The following SYBU variants were observed in gnomAD, a reference collection of about 807,000 sequenced individuals.
The protein encoded by SYBU is GOLSYN A protein.
SYBU carries 21 observed loss-of-function variants against 35.9 expected under a neutral mutation model. The ratio of observed to expected loss-of-function variants is 0.58; its 90% CI spans 0.41 to 0.84. The LOEUF (loss-of-function observed/expected upper bound fraction) is 0.84, where lower values mean the gene tolerates loss of function less well. Ranked by LOEUF, SYBU falls within the 40% of genes least tolerant of loss-of-function variation. The pLI is 0.00. For synonymous variants in SYBU, 319 were observed against 324.3 expected (o/e 0.98, Z 0.18); for missense variants, 768 against 848.2 (o/e 0.91, Z 1.17).
At chr8:109,632,377 A>C (rs1233287084) in intron 2 of SYBU, among the ~76,000 whole-genome samples, 1 of 152,210 alleles carries the variant, frequency 6.6e-6, no homozygotes, top group Non-Finnish European at 1.5e-5. Flanking sequence ...AAAAACTTAT[A>C]ATAAAATAAC....
At chr8:109,668,178 GA>G (rs113071331) in intron 1 of SYBU, among the ~76,000 whole-genome samples, 1 of 140,272 alleles carries the variant, frequency 7.1e-6, no homozygotes, top group Non-Finnish European at 1.6e-5. Flanking sequence ...GAGAGAGAGA[GA>G]GAGAGAGAGA....
intron 1 of SYBU, among the ~76,000 whole-genome samples, chr8:109,678,104 A>G (rs545041848): frequency 1.8e-4 from 25 of 137,002 alleles, no homozygotes; most frequent in African/African-American, 6.9e-4. Context: ...ATTGCACTCC[A>G]GCCTGGGCAA....
intron 1 of SYBU, among the ~76,000 whole-genome samples, chr8:109,664,238 G>A (rs1049754544): frequency 6.6e-5 from 10 of 152,114 alleles, no homozygotes; most frequent in South Asian, 2.1e-4. Flanking sequence ...ACTCAGTCCC[G>A]TAACATGCTT....
rs375314777 is a variant in SYBU at position 109,574,615 on chromosome 8, T to C, written c.*291A>G. 1.4e-4 allele frequency: 42 copies of C among 306,008 alleles called. No homozygotes were observed. The highest frequency in any genetic ancestry group is 6.8e-4 in the East Asian group (13 of 19,094). 19.0% of individuals were successfully genotyped at this position (306,008 alleles called of 1,614,324 possible). A position where few individuals can be genotyped will look rare whatever the true frequency, so the allele number is the denominator to read the frequency against. The stretch of plus-strand genomic sequence containing the variant: ...GCTGTCTTGAAAGTGCAAACTGCGT[T>C]TTCTCTTCCTGAACCACTAGGATAA... On this transcript the variant is annotated 3_prime_UTR_variant, in exon 7 of 7. Transcript: ENST00000276646.
At chr8:109,613,233 G>A (rs973995071) in intron 3 of SYBU, among the ~76,000 whole-genome samples, 39 of 152,134 alleles carry the variant, frequency 2.6e-4, no homozygotes, top group African/African-American at 7.7e-4. Context: ...TTGTGTGTGA[G>A]AGTTTTTAGG....
chr8:109,665,156 A>C (rs1397084962), intron 1 of SYBU, among the ~76,000 whole-genome samples: 1 of 152,228 alleles, frequency 6.6e-6, no homozygotes, highest in Non-Finnish European at 1.5e-5. Context: ...AAAAGCAACA[A>C]GTAAAATTAA....
intron 3 of SYBU, among the ~76,000 whole-genome samples, chr8:109,614,822 A>G (rs1470008434): frequency 6.6e-6 from 1 of 152,242 alleles, no homozygotes; most frequent in Non-Finnish European, 1.5e-5. Context: ...TTAAATCTGC[A>G]TAGGCATTAA....
intron 1 of SYBU, among the ~76,000 whole-genome samples, chr8:109,650,814 A>C (rs1320225678): frequency 6.6e-6 from 1 of 152,150 alleles, no homozygotes; most frequent in Non-Finnish European, 1.5e-5. Flanking sequence ...AATGATAACT[A>C]TTTTTTTCTT....
chr8:109,585,330 C>T (rs1003419344), intron 4 of SYBU, among the ~76,000 whole-genome samples: 5 of 152,332 alleles, frequency 3.3e-5, no homozygotes, highest in South Asian at 4.1e-4. Context: ...TTGCTATGCT[C>T]CATGCTCTGA....
chr8:109,643,019 A>AAGAAATCACATTTCTG, intron 1 of SYBU, 87 bp from the exon 2 acceptor site: 1 of 1,453,130 alleles, frequency 6.9e-7, no homozygotes, highest in East Asian at 2.5e-5. Context: ...ATCAATTTCT[A>AAGAAATCACATTTCTG]AGAAATCACA....
rs1821938687 is a variant in SYBU, at chr8:109,573,987, A to ACTAC, written c.*918_*919insGTAG. The ACTAC allele has an allele frequency of 6.6e-6, 1 of 152,248 alleles. No homozygotes were observed. Among genetic ancestry groups the ACTAC allele is most frequent in the Non-Finnish European group, 1.5e-5 (1 of 68,048 alleles). The allele number at this position is 152,248 out of a possible 1,614,324, so 9.4% of individuals were successfully genotyped here. The stretch of plus-strand genomic sequence containing the variant: ...AATAGTGTATGGGCAATTTAAAAGT[A>ACTAC]AACAAATCTACTTTTATTCAGAAAT... On this transcript the variant is annotated 3_prime_UTR_variant, in exon 7 of 7. Transcript: ENST00000276646.
intron 1 of SYBU, 124 bp from the exon 2 acceptor site, chr8:109,643,056 T>C: frequency 7.1e-7 from 1 of 1,399,286 alleles, no homozygotes; most frequent in Non-Finnish European, 9.3e-7. Context: ...CTTCACAGAG[T>C]AGTCCTTCTT....
chr8:109,670,968 G>C (rs1435296281), intron 1 of SYBU, among the ~76,000 whole-genome samples: 1 of 152,114 alleles, frequency 6.6e-6, no homozygotes, highest in African/African-American at 2.4e-5. Context: ...AATTTTTCCT[G>C]TTTGTGCTAA....
chr8:109,587,511 CAGG>C (rs1344531285), intron 3 of SYBU, among the ~76,000 whole-genome samples: 7 of 152,266 alleles, frequency 4.6e-5, no homozygotes, highest in African/African-American at 1.4e-4. Context: ...AGCAGGGGAA[CAGG>C]AGAAGTTCTT....
chr8:109,635,861 C>T (rs887157237), intron 2 of SYBU, among the ~76,000 whole-genome samples: 1 of 152,240 alleles, frequency 6.6e-6, no homozygotes, highest in African/African-American at 2.4e-5. Flanking sequence ...TGAAAACCCT[C>T]CACTGGCTCT....
chr8:109,685,957 T>C (rs1303358611), upstream of SYBU, among the ~76,000 whole-genome samples: 2 of 152,170 alleles, frequency 1.3e-5, no homozygotes, highest in Non-Finnish European at 1.5e-5. Flanking sequence ...GTGATAAAAA[T>C]TTCCAAGCTG....
intron 1 of SYBU, among the ~76,000 whole-genome samples, chr8:109,686,257 A>T (rs1817517319): frequency 6.6e-6 from 1 of 152,130 alleles, no homozygotes; most frequent in Non-Finnish European, 1.5e-5. Flanking sequence ...GAGCGACAGG[A>T]AATGTTCCCC....
At chr8:109,625,553 C>G (rs1336730565) in intron 2 of SYBU, among the ~76,000 whole-genome samples, 1 of 152,072 alleles carries the variant, frequency 6.6e-6, no homozygotes, top group Non-Finnish European at 1.5e-5. Flanking sequence ...TCCCTAGCAG[C>G]TGGAACTACA....
At chr8:109,611,500 G>A (rs1475704117) in intron 3 of SYBU, among the ~76,000 whole-genome samples, 1 of 152,148 alleles carries the variant, frequency 6.6e-6, no homozygotes, top group Non-Finnish European at 1.5e-5. Flanking sequence ...GGTCCCTGCT[G>A]GGGAGATGTG....
Sources: gnomAD v4.1 joint callset for allele counts (sites outside exome capture counted in the v4.1 genomes callset) on GRCh38, gnomAD v4.1.1 for gene constraint, MANE v1.5 for transcripts, NCBI Gene and HGNC (gene_info 2026-07-23, HGNC 2026-07-21) for gene names.